Variants in ANK2 observed in about 807,000 individuals in gnomAD.
ANK2 encodes ankyrin-2.
ANK2 carries 83 observed loss-of-function variants against 360.5 expected under a neutral mutation model. The observed-to-expected ratio is 0.23, with a 90% CI of 0.19 to 0.28. The LOEUF (loss-of-function observed/expected upper bound fraction) is 0.28, where lower values mean the gene tolerates loss of function less well. Among genes scored for constraint, ANK2 ranks in the 10% least tolerant of loss-of-function variants. The pLI is 1.00. For missense variants in ANK2, 4,201 were observed against 4,795.7 expected, an observed-to-expected ratio of 0.88 and a Z score of 3.66; for synonymous variants, 1,740 against 1,759.5, an observed-to-expected ratio of 0.99 and a Z score of 0.28.
intron 2 of ANK2, among the ~76,000 whole-genome samples, chr4:113,186,726 C>T (rs2098536791): frequency 1.3e-5 from 2 of 151,952 alleles, no homozygotes; most frequent in Non-Finnish European, 2.9e-5. Flanking sequence ...AAAAAGGAAA[C>T]CTTATTTTAA....
intron 2 of ANK2, among the ~76,000 whole-genome samples, chr4:112,995,429 CTCTGTTT>C (rs1162676948): frequency 6.6e-6 from 1 of 152,060 alleles, no homozygotes; most frequent in Non-Finnish European, 1.5e-5. Flanking sequence ...ATGTCCTTTA[CTCTGTTT>C]TTAATAGGGT....
intron 2 of ANK2, among the ~76,000 whole-genome samples, chr4:113,006,751 T>G (rs1477840524): frequency 6.6e-6 from 1 of 152,212 alleles, no homozygotes; most frequent in Admixed American, 6.5e-5. Flanking sequence ...TAAATCAACT[T>G]TTGCTTAAAA....
chr4:112,707,790 C>T, the ANK2 span, among the ~76,000 whole-genome samples: 128 of 152,100 alleles, frequency 8.4e-4, 3 homozygotes, highest in African/African-American at 2.9e-3. Context: ...AGCAAAAATA[C>T]GTATAAAAAT....
At chr4:113,085,110 G>A (rs313966) in intron 1 of ANK2, among the ~76,000 whole-genome samples, 64,542 of 151,988 alleles carry the variant, frequency 0.42, 13,897 homozygotes, top group East Asian at 0.56. Context: ...GGCCATTCGT[G>A]TACGTTTTTC....
At chr4:113,186,905 T>C (rs2098540344) in intron 2 of ANK2, among the ~76,000 whole-genome samples, 1 of 151,356 alleles carries the variant, frequency 6.6e-6, no homozygotes. Flanking sequence ...CATGTGGCAG[T>C]TGTTTTTAGT....
At chr4:113,305,435 T>G (rs1045925686) in intron 23 of ANK2, among the ~76,000 whole-genome samples, 6 of 152,058 alleles carry the variant, frequency 3.9e-5, no homozygotes, top group African/African-American at 1.4e-4. Flanking sequence ...AAAAATGTTA[T>G]ATATTAAATA....
At chr4:112,952,055 G>C (rs2095057306) in intron 2 of ANK2, among the ~76,000 whole-genome samples, 1 of 152,096 alleles carries the variant, frequency 6.6e-6, no homozygotes, top group East Asian at 1.9e-4. Flanking sequence ...ATCTCTTTCA[G>C]CTTTAGCACT....
intron 1 of ANK2, among the ~76,000 whole-genome samples, chr4:112,888,629 C>T (rs1305460186): frequency 6.6e-6 from 1 of 151,926 alleles, no homozygotes; most frequent in Admixed American, 6.6e-5. Context: ...TTCCACTCTC[C>T]CCCTGTCTAC....
chr4:112,815,794 T>C (rs550479349), upstream of ANK2, among the ~76,000 whole-genome samples: 7 of 152,344 alleles, frequency 4.6e-5, no homozygotes, highest in Non-Finnish European at 1.0e-4. Context: ...GGTGAATGTA[T>C]CCACATGTTG....
the ANK2 span, among the ~76,000 whole-genome samples, chr4:112,808,932 G>A: frequency 1.3e-5 from 2 of 151,972 alleles, no homozygotes; most frequent in Admixed American, 1.3e-4. Flanking sequence ...ATCTCGGCTC[G>A]CTGCAACCTC....
chr4:112,861,122 T>C (rs756570891), intron 1 of ANK2, among the ~76,000 whole-genome samples: 5 of 152,246 alleles, frequency 3.3e-5, no homozygotes, highest in South Asian at 2.1e-4. Context: ...CCTGTGAGGG[T>C]GCAAACCAAT....
At chr4:113,060,876 C>T (rs922703092) in intron 1 of ANK2, among the ~76,000 whole-genome samples, 86 of 152,144 alleles carry the variant, frequency 5.7e-4, no homozygotes, top group African/African-American at 2.0e-3. Context: ...ATCTGCACTT[C>T]AACTGTATTT....
chr4:112,963,007 A>G lies in ANK2; in HGVS notation c.21+58493A>G, dbSNP rs1277686500. 2.0e-5 allele frequency among the ~76,000 whole-genome samples: 3 copies of G among 152,070 alleles called. No individual in the cohort carries two copies. The East Asian group carries it at 5.8e-4, about 29-fold the overall frequency. Reference sequence around the variant, plus strand: ...TATTTACTGATTATATACTTTTTCCATCACTTAATTTTTGAAATACTGCTT... The same window carrying G: ...TATTTACTGATTATATACTTTTTCCGTCACTTAATTTTTGAAATACTGCTT... On this transcript the variant is annotated intron_variant, in intron 2 of 30. Coordinates refer to the ANK2 transcript ENST00000503271.
chr4:113,138,333 G>A (rs896022431), intron 1 of ANK2, among the ~76,000 whole-genome samples: 11 of 152,170 alleles, frequency 7.2e-5, no homozygotes, highest in Non-Finnish European at 1.3e-4. Context: ...GCTGTTTAAA[G>A]TAATCATAAT....
In ANK2 at chr4:113,365,128, A is replaced by G; in HGVS notation, c.10978A>G (p.Ile3660Val). The G allele has an allele frequency of 6.2e-7, 1 of 1,614,010 alleles. No individual in the cohort carries two copies. The highest frequency in any genetic ancestry group is 8.5e-7 in the Non-Finnish European group (1 of 1,179,940). Reference protein sequence around the residue: ...ETNTEPLQERISHSYAEIEQT... With the variant: ...ETNTEPLQERVSHSYAEIEQT... ...CAACACAGAACCTCTCCAGGAGCGCATCAGTCATAGTTATGCAGAAATTGA... is the reference window on the plus strand; with the variant it reads ...CAACACAGAACCTCTCCAGGAGCGCGTCAGTCATAGTTATGCAGAAATTGA... Residue 3660 changes from isoleucine (I) to valine (V), a missense_variant, in exon 41 of 46, where the codon ATC becomes GTC. Ile to Val is a conservative substitution (Grantham distance 29, BLOSUM62 3). Transcript: ENST00000357077.
At chr4:113,274,416 G>T in intron 14 of ANK2, 36 bp from the exon 15 acceptor site, 4 of 1,603,036 alleles carry the variant, frequency 2.5e-6, no homozygotes, top group Non-Finnish European at 3.4e-6. Flanking sequence ...AGTTCTGTCT[G>T]CCCGGCACTA....
At chr4:113,220,287 C>G (rs2099135510) in intron 4 of ANK2, among the ~76,000 whole-genome samples, 1 of 152,142 alleles carries the variant, frequency 6.6e-6, no homozygotes, top group Admixed American at 6.5e-5. Context: ...ATTTGATAAC[C>G]TGTCTGGGCC....
At chr4:113,367,885 A>G (rs1446462283) in intron 42 of ANK2, 34 bp downstream of exon 42, 1 of 1,612,512 alleles carries the variant, frequency 6.2e-7, no homozygotes, top group Non-Finnish European at 8.5e-7. Context: ...CAAATGTAAT[A>G]CCAAAGAAAC....
intron 2 of ANK2, chr4:113,031,625 A>C (rs1315543369): frequency 7.3e-6 from 1 of 137,364 alleles, no homozygotes; most frequent in Admixed American, 8.0e-5. Flanking sequence ...GTTATCACTG[A>C]TGAAACCTTA....
Sources: allele counts gnomAD v4.1 joint callset (sites outside exome capture counted in the v4.1 genomes callset), GRCh38; gene constraint gnomAD v4.1.1; transcripts MANE v1.5; gene names NCBI Gene and HGNC (gene_info 2026-07-23, HGNC 2026-07-21).